Variants in SSH2 observed in about 807,000 individuals in gnomAD.
The protein encoded by SSH2 is slingshot protein phosphatase 2, also known as protein phosphatase Slingshot homolog 2.
A neutral mutation model predicts 135.2 loss-of-function variants in SSH2; 37 were observed. That is an observed-to-expected ratio of 0.27 (90% CI 0.21 to 0.36). SSH2 has a LOEUF of 0.36. SSH2 is among the 10% of genes least tolerant of loss of function. The probability of loss-of-function intolerance (pLI) is 1.00; values close to 1 mark genes in which losing one functional copy is unlikely to be tolerated. For missense variants in SSH2, 1,408 were observed against 1,765.3 expected (o/e 0.80, Z 3.63); for synonymous variants, 628 against 646.2 (o/e 0.97, Z 0.43).
chr17:29,743,552 A>G (rs2040641778), intron 3 of SSH2, among the ~76,000 whole-genome samples: 1 of 152,254 alleles, frequency 6.6e-6, no homozygotes, highest in Non-Finnish European at 1.5e-5. Flanking sequence ...TAGCATGGGC[A>G]TAGTAGACTA....
intron 11 of SSH2, among the ~76,000 whole-genome samples, chr17:29,661,334 C>G (rs1235669182): frequency 6.6e-6 from 1 of 152,146 alleles, no homozygotes; most frequent in African/African-American, 2.4e-5. Flanking sequence ...AGAGGATAGA[C>G]AAACGTTTGT....
chr17:29,655,722 C>A (rs2036754897), intron 11 of SSH2, 115 bp from the exon 12 acceptor site: 1 of 866,686 alleles, frequency 1.2e-6, no homozygotes, highest in Non-Finnish European at 1.9e-6. Flanking sequence ...TCTACCAGTG[C>A]CCTTTAAGTT....
At chr17:29,923,758 C>T (rs1470174852) in intron 1 of SSH2, among the ~76,000 whole-genome samples, 1 of 151,984 alleles carries the variant, frequency 6.6e-6, no homozygotes, top group East Asian at 1.9e-4. Context: ...CCTGTAACTT[C>T]AGCCAGGCGT....
chr17:29,874,808 T>G (rs987063142), intron 1 of SSH2, among the ~76,000 whole-genome samples: 2 of 152,204 alleles, frequency 1.3e-5, no homozygotes, highest in African/African-American at 4.8e-5. Context: ...AACATGGAGA[T>G]GCAGAATTCT....
chr17:29,812,388 A>G (rs968430737), intron 2 of SSH2, among the ~76,000 whole-genome samples: 2 of 151,724 alleles, frequency 1.3e-5, no homozygotes, highest in Non-Finnish European at 2.9e-5. Context: ...GACTCACGTG[A>G]TTCTCTCACC....
intron 2 of SSH2, among the ~76,000 whole-genome samples, chr17:29,820,233 T>C (rs1331881750): frequency 6.6e-6 from 1 of 152,214 alleles, no homozygotes; most frequent in African/African-American, 2.4e-5. Context: ...AAAGTAAATG[T>C]GAACTAAAGG....
rs2038119082 is a variant in SSH2 at position 29,684,441 on chromosome 17, C to A, written c.479+122G>T. On this transcript the variant is annotated intron_variant, in intron 6 of 15. Transcript: ENST00000540801. ...GCAGTGAGCCGAGATTGAGCCACTG[C>A]ACTCTAGTCTGGGCAACAGAGTGAT... 9.8e-6 allele frequency: 9 copies of A among 921,834 alleles called. 1 individual carries two copies. In the South Asian group the frequency reaches 1.5e-4, roughly 16 times the overall value. 57.1% of individuals were successfully genotyped at this position (921,834 alleles called of 1,614,324 possible).
chr17:29,826,321 T>C (rs959239056), intron 2 of SSH2, among the ~76,000 whole-genome samples: 1 of 152,196 alleles, frequency 6.6e-6, no homozygotes, highest in Non-Finnish European at 1.5e-5. Context: ...AAACCACTTA[T>C]ATTTTGTTTG....
chr17:29,696,426 CAT>C (rs967596276), intron 4 of SSH2, among the ~76,000 whole-genome samples: 116 of 145,360 alleles, frequency 8.0e-4, no homozygotes, highest in African/African-American at 2.7e-3. Context: ...TATATATACA[CAT>C]ATATGTGTGT....
chr17:29,734,441 T>A (rs2040301369), intron 3 of SSH2, among the ~76,000 whole-genome samples: 1 of 152,184 alleles, frequency 6.6e-6, no homozygotes, highest in Non-Finnish European at 1.5e-5. Flanking sequence ...AATGGCTTAA[T>A]GGGTTGAATT....
intron 2 of SSH2, among the ~76,000 whole-genome samples, chr17:29,796,453 G>A (rs2042157611): frequency 6.6e-6 from 1 of 152,164 alleles, no homozygotes; most frequent in African/African-American, 2.4e-5. Context: ...TGGTTCTCCT[G>A]CCTCAGCTTC....
intron 2 of SSH2, among the ~76,000 whole-genome samples, chr17:29,810,034 G>T (rs986416147): frequency 1.3e-5 from 2 of 152,118 alleles, no homozygotes; most frequent in African/African-American, 4.8e-5. Flanking sequence ...AAGCTTGAAG[G>T]CAGGAACTGT....
chr17:29,744,080 C>T (rs1201841771), intron 3 of SSH2, among the ~76,000 whole-genome samples: 4 of 152,200 alleles, frequency 2.6e-5, no homozygotes, highest in Admixed American at 1.3e-4. Context: ...AAAATATTCA[C>T]AGCTCAGAGT....
In SSH2 at chr17:29,684,580, A is replaced by G. The variant is rs1360227103; in HGVS notation, c.462T>C (p.Asp154=). 1 of 1,613,172 alleles carries G rather than the reference A, an allele frequency of 6.2e-7. No homozygotes were observed. Among genetic ancestry groups the G allele is most frequent in the Admixed American group, 1.7e-5 (1 of 59,950 alleles). Residue 154 remains aspartate, a synonymous_variant, in exon 6 of 16, where the codon GAT becomes GAC. Transcript: ENST00000540801. The stretch of plus-strand genomic sequence containing the variant: ...CACCATACCTGTCATTAGAGGAGAA[A>G]TCCATTCCTAGGACGATGCTTTCTT... ...DTEESIVLGM[D]FSSNDSSTCT...
chr17:29,823,914 C>T (rs1462969985), intron 2 of SSH2, among the ~76,000 whole-genome samples: 1 of 151,102 alleles, frequency 6.6e-6, no homozygotes, highest in East Asian at 1.9e-4. Context: ...CACACTGGGC[C>T]TTGCTGCCCA....
In SSH2 at chr17:29,882,679, G is replaced by C. The variant is rs558181140; in HGVS notation, c.64-33750C>G. Among the ~76,000 whole-genome samples the C allele has an allele frequency of 3.3e-5, 5 of 152,112 alleles. No individual in the cohort carries two copies. In the East Asian group the frequency reaches 7.7e-4, roughly 23 times the overall value. ...AGGCAGGAGAATCGCTTGAACCCGG[G>C]GGGTGGAGGTTGCAGTGAGCTGAGA... On this transcript the variant is annotated intron_variant, in intron 1 of 15. Transcript: ENST00000540801.
At chr17:29,767,566 G>A (rs1402734221) in intron 3 of SSH2, among the ~76,000 whole-genome samples, 1 of 151,132 alleles carries the variant, frequency 6.6e-6, no homozygotes, top group Non-Finnish European at 1.5e-5. Context: ...CAGAAATTTT[G>A]CTTGTATATG....
intron 3 of SSH2, among the ~76,000 whole-genome samples, chr17:29,711,257 T>A (rs2039423617): frequency 6.6e-6 from 1 of 152,190 alleles, no homozygotes; most frequent in Non-Finnish European, 1.5e-5. Flanking sequence ...TTTTCCCCTT[T>A]CCTAAAACTG....
intron 6 of SSH2, among the ~76,000 whole-genome samples, chr17:29,680,551 CAAAAAAA>C (rs1160865828): frequency 0.035 from 750 of 21,500 alleles, 19 homozygotes; most frequent in East Asian, 0.24. Flanking sequence ...GACTCCCTCT[CAAAAAAA>C]AAAAAAAAAA....
Sources: allele counts gnomAD v4.1 joint callset (sites outside exome capture counted in the v4.1 genomes callset), GRCh38; gene constraint gnomAD v4.1.1; transcripts MANE v1.5; gene names NCBI Gene and HGNC (gene_info 2026-07-23, HGNC 2026-07-21).